The following KCNAB2 variants were observed in gnomAD, a reference collection of about 807,000 sequenced individuals.
The protein encoded by KCNAB2 is potassium voltage-gated channel subfamily A regulatory beta subunit 2, also known as voltage-gated potassium channel subunit beta-2.
A neutral mutation model predicts 63.6 loss-of-function variants in KCNAB2; 29 were observed. The observed-to-expected ratio is 0.46, with a 90% CI of 0.34 to 0.62. KCNAB2 has a LOEUF of 0.62. KCNAB2 is among the 20% of genes least tolerant of loss of function. KCNAB2 has a pLI of 0.01. For missense variants in KCNAB2, 359 were observed against 563.9 expected, an observed-to-expected ratio of 0.64 and a Z score of 3.68; for synonymous variants, 222 against 224.2, an observed-to-expected ratio of 0.99 and a Z score of 0.09.
chr1:5,997,041 C>G (rs1294410622), intron 1 of KCNAB2, among the ~76,000 whole-genome samples: 2 of 152,170 alleles, frequency 1.3e-5, no homozygotes, highest in Non-Finnish European at 2.9e-5. Flanking sequence ...ATTCGTGTCT[C>G]CCTCTATCTG....
Position 6,100,278 on chromosome 1 carries a change from G to GCCTAGAACCCTTGCC in KCNAB2, c.*1708_*1722dup. 1 of 498,340 alleles carries GCCTAGAACCCTTGCC rather than the reference G, an allele frequency of 2.0e-6. No individual in the cohort carries two copies. 30.9% of individuals were successfully genotyped at this position (498,340 alleles called of 1,614,324 possible). On this transcript the variant is annotated 3_prime_UTR_variant, in exon 16 of 16. Transcript: ENST00000378083. Reference sequence around the variant, plus strand: ...GACCCCCCTTCATGCTGCCCCTGGCGCCTAGAACCCTTGCCCCTCCTCATA... The same window carrying GCCTAGAACCCTTGCC: ...GACCCCCCTTCATGCTGCCCCTGGCGCCTAGAACCCTTGCCCCTAGAACCCTTGCCCCTCCTCATA...
chr1:6,045,260 C>T (rs142539685), upstream of KCNAB2, among the ~76,000 whole-genome samples: 5 of 152,314 alleles, frequency 3.3e-5, no homozygotes, highest in Admixed American at 6.5e-5. The surrounding 1 kb of genome is among the most constrained non-coding windows in gnomAD (Gnocchi z 4.8). Flanking sequence ...CCCACATTCA[C>T]TGGCGCGCTT....
At chr1:5,997,053 A>G (rs1656980001) in intron 1 of KCNAB2, among the ~76,000 whole-genome samples, 1 of 152,042 alleles carries the variant, frequency 6.6e-6, no homozygotes, top group Non-Finnish European at 1.5e-5. Flanking sequence ...CTCTATCTGA[A>G]TGGGTGAACT....
chr1:6,043,755 T>A (rs1439690980), upstream of KCNAB2, among the ~76,000 whole-genome samples: 1 of 152,236 alleles, frequency 6.6e-6, no homozygotes, highest in Non-Finnish European at 1.5e-5. Context: ...GTTCAAGGCA[T>A]GTGCCCTGCC....
At chr1:6,081,049 T>G (rs915686565) in intron 4 of KCNAB2, among the ~76,000 whole-genome samples, 1 of 152,212 alleles carries the variant, frequency 6.6e-6, no homozygotes, top group African/African-American at 2.4e-5. Flanking sequence ...TCCGGCCTCT[T>G]GGAGGGAGCT....
intron 2 of KCNAB2, 53 bp from the exon 3 acceptor site, chr1:6,072,702 G>T (rs781770156): frequency 1.3e-6 from 2 of 1,596,530 alleles, no homozygotes; most frequent in Non-Finnish European, 1.7e-6. Flanking sequence ...ACTGAGCCTG[G>T]CTGGCAGGGT....
At chr1:6,014,084 C>A (rs1428646661) in intron 1 of KCNAB2, among the ~76,000 whole-genome samples, 2 of 152,228 alleles carry the variant, frequency 1.3e-5, no homozygotes, top group Admixed American at 6.5e-5. Flanking sequence ...AAAAATTACG[C>A]TGAATGAACG....
intron 1 of KCNAB2, among the ~76,000 whole-genome samples, chr1:5,999,316 G>C (rs931191671): frequency 3.9e-5 from 6 of 152,266 alleles, no homozygotes; most frequent in Admixed American, 3.9e-4. Context: ...AGGGGTCCTG[G>C]TGCAGCTTAG....
chr1:6,038,589 C>T (rs1219965061), intron 1 of KCNAB2, among the ~76,000 whole-genome samples: 1 of 152,062 alleles, frequency 6.6e-6, no homozygotes, highest in Non-Finnish European at 1.5e-5. Context: ...TGCTGGTATT[C>T]CAGGCTGGTC....
Position 6,073,681 on chromosome 1 carries a change from TA to T in KCNAB2, c.263-50del. ...GCCTGAGGTCTGAGCACCGACGGGA[TA>T]ATCTGGCTTCCTGCCAGGTTCCTAA... On this transcript the variant is annotated intron_variant, in intron 3 of 15. Coordinates refer to ENST00000378083, the MANE Select transcript of KCNAB2 (RefSeq NM_001199862.2). This position sits in a 1 kb window ranked among gnomAD's most constrained non-coding sequence, Gnocchi z 5.7. 6.3e-7 allele frequency: 1 copy of T among 1,586,668 alleles called. No homozygotes were observed. The highest frequency in any genetic ancestry group is 1.1e-5 in the South Asian group (1 of 90,522).
chr1:6,059,607 A>G (rs970977996), intron 2 of KCNAB2, among the ~76,000 whole-genome samples: 6 of 151,028 alleles, frequency 4.0e-5, no homozygotes, highest in Middle Eastern at 3.2e-3. Context: ...CGCCGTGGTC[A>G]TTGTTGTTGG....
chr1:6,083,616 C>T (rs1047365907), intron 5 of KCNAB2, among the ~76,000 whole-genome samples: 7 of 152,210 alleles, frequency 4.6e-5, no homozygotes, highest in African/African-American at 7.2e-5. Context: ...CCGGCCACTG[C>T]GGTCCCTCTG....
At chr1:5,996,868 A>G (rs1173664562) in intron 1 of KCNAB2, among the ~76,000 whole-genome samples, 1 of 152,134 alleles carries the variant, frequency 6.6e-6, no homozygotes, top group African/African-American at 2.4e-5. Context: ...CACCAGATTC[A>G]ACCCATTCCA....
rs139957561 is a variant in KCNAB2, at chr1:6,098,493, G to T, written c.1167G>T (p.Pro389=). Residue 389 remains proline (P), a synonymous_variant, in exon 16 of 16, where the codon CCG becomes CCT. Transcript: ENST00000378083. ...MENIGAIQVL[P]KLSSSIIHEI... ...GTTGTTCTTGCACGCAGGTCCTTCC[G>T]AAACTGTCATCTTCCATTATCCACG... The T allele has an allele frequency of 6.2e-7, 1 of 1,613,924 alleles. No homozygotes were observed. The highest frequency in any genetic ancestry group is 8.5e-7 in the Non-Finnish European group (1 of 1,179,948).
At chr1:6,000,515 C>T (rs1319760047) in intron 1 of KCNAB2, among the ~76,000 whole-genome samples, 1 of 152,166 alleles carries the variant, frequency 6.6e-6, no homozygotes, top group Non-Finnish European at 1.5e-5. Context: ...GCCATGCTCT[C>T]TCTCCATCCC....
intron 1 of KCNAB2, among the ~76,000 whole-genome samples, chr1:6,049,995 A>G (rs1455234912): frequency 6.6e-6 from 1 of 152,184 alleles, no homozygotes; most frequent in African/African-American, 2.4e-5. Context: ...CATGGGGCTC[A>G]TCACAAACTC....
chr1:6,061,369 G>A (rs984654719), intron 2 of KCNAB2, among the ~76,000 whole-genome samples: 4 of 151,764 alleles, frequency 2.6e-5, no homozygotes, highest in East Asian at 1.9e-4. Context: ...CGGGCCGGGC[G>A]GGGGCTCACG....
At chr1:5,996,615 C>T (rs1391698863) in intron 1 of KCNAB2, among the ~76,000 whole-genome samples, 1 of 152,262 alleles carries the variant, frequency 6.6e-6, no homozygotes, top group Non-Finnish European at 1.5e-5. Context: ...CTCCACTTCT[C>T]CAGCACACAG....
intron 4 of KCNAB2, among the ~76,000 whole-genome samples, chr1:6,076,946 G>A (rs1460980721): frequency 6.6e-6 from 1 of 152,220 alleles, no homozygotes; most frequent in African/African-American, 2.4e-5. Flanking sequence ...AGCACTTTGG[G>A]AGATTGAGGC....
Sources: gnomAD v4.1 joint callset for allele counts (sites outside exome capture counted in the v4.1 genomes callset) on GRCh38, gnomAD v4.1.1 for gene constraint, Gnocchi (gnomAD v3.1) non-coding constraint, MANE v1.5 for transcripts, NCBI Gene and HGNC (gene_info 2026-07-23, HGNC 2026-07-21) for gene names.